Variants in OXR1 observed in about 807,000 individuals in gnomAD.
The protein encoded by OXR1 is oxidation resistance 1, also known as oxidation resistance protein 1.
OXR1 carries 41 observed loss-of-function variants against 104.6 expected under a neutral mutation model. That is an observed-to-expected ratio of 0.39 (90% confidence interval 0.31 to 0.51). The LOEUF (loss-of-function observed/expected upper bound fraction) is 0.51, where lower values mean the gene tolerates loss of function less well. Ranked by LOEUF, OXR1 falls within the 20% of genes least tolerant of loss-of-function variation. The pLI is 0.77. For missense variants in OXR1, 955 were observed against 1,031.9 expected (o/e 0.93, Z 1.02); for synonymous variants, 348 against 348.4 (o/e 1.00, Z 0.01).
chr8:106,386,567 G>C (rs1184339286), intron 2 of OXR1, among the ~76,000 whole-genome samples: 1 of 152,138 alleles, frequency 6.6e-6, no homozygotes, highest in African/African-American at 2.4e-5. Context: ...AATCAATTCT[G>C]GAAAAGCAAT....
chr8:106,469,010 GTGTTGTT>G (rs1821340906), intron 2 of OXR1, among the ~76,000 whole-genome samples: 1 of 138,956 alleles, frequency 7.2e-6, no homozygotes, highest in South Asian at 2.2e-4. Context: ...GTTTGTTTGT[GTGTTGTT>G]GTTGTTGTTG....
chr8:106,676,133 C>T (rs1033706243), intron 3 of OXR1, among the ~76,000 whole-genome samples: 6 of 151,958 alleles, frequency 3.9e-5, no homozygotes, highest in African/African-American at 7.3e-5. Context: ...GAATTGCAAC[C>T]TCTGCTTTTT....
chr8:106,306,599 A>G (rs932381706), intron 1 of OXR1, among the ~76,000 whole-genome samples: 1 of 152,190 alleles, frequency 6.6e-6, no homozygotes, highest in African/African-American at 2.4e-5. Context: ...ATACAGAGAA[A>G]ATGGTGTACT....
At chr8:106,338,626 TA>T (rs977525845) in intron 1 of OXR1, among the ~76,000 whole-genome samples, 2 of 151,854 alleles carry the variant, frequency 1.3e-5, no homozygotes, top group African/African-American at 2.4e-5. Flanking sequence ...TCCCACTTTT[TA>T]AAAAAACCAC....
chr8:106,343,294 A>G (rs186817603), intron 1 of OXR1, among the ~76,000 whole-genome samples: 160 of 152,300 alleles, frequency 1.1e-3, no homozygotes, highest in Non-Finnish European at 1.7e-3. Flanking sequence ...TAATGTCTTT[A>G]TTATATAATA....
At chr8:106,365,045 T>C (rs1455742349) in intron 2 of OXR1, among the ~76,000 whole-genome samples, 3 of 151,916 alleles carry the variant, frequency 2.0e-5, no homozygotes, top group Non-Finnish European at 4.4e-5. Flanking sequence ...TAAATAGAGA[T>C]TGTAAGGGAA....
chr8:106,470,845 A>G (rs1821453074), intron 2 of OXR1, among the ~76,000 whole-genome samples: 1 of 151,702 alleles, frequency 6.6e-6, no homozygotes, highest in African/African-American at 2.4e-5. Context: ...GTATGAAGGA[A>G]GAGGGACTGA....
chr8:106,338,023 A>AT (rs2130252466), intron 1 of OXR1, among the ~76,000 whole-genome samples: 1 of 152,342 alleles, frequency 6.6e-6, no homozygotes, highest in African/African-American at 2.4e-5. Flanking sequence ...ATTTACAAGT[A>AT]TAATTCATGA....
In OXR1 at chr8:106,746,026, T is replaced by C. The variant is rs147832347; in HGVS notation, c.2486+164T>C. Among the ~76,000 whole-genome samples, 40 of 152,330 alleles carry C rather than the reference T, an allele frequency of 2.6e-4. No homozygotes were observed. The Middle Eastern group carries it at 0.01, about 39-fold the overall frequency. ...GTATTTGCAAGAAGTAGCTCAAGTG[T>C]AGTTATTGAAACTATTGATGGAGTA... On this transcript the variant is annotated intron_variant, in intron 16 of 16. Coordinates refer to ENST00000517566, the MANE Select transcript of OXR1 (RefSeq NM_001198533.2).
rs986059514 is a variant in OXR1, at chr8:106,708,907, G to A, written c.1625-1715G>A. Among the ~76,000 whole-genome samples the A allele has an allele frequency of 2.0e-5, 3 of 148,510 alleles. No homozygotes were observed. The East Asian group carries it at 5.8e-4, about 29-fold the overall frequency. The stretch of plus-strand genomic sequence containing the variant: ...CCCTGCGGCAGTACACAAGATTTGG[G>A]TCAGTTTTTAAAATACCGAATTTTC... On this transcript the variant is annotated intron_variant, in intron 9 of 16. Coordinates refer to ENST00000517566, the MANE Select transcript of OXR1 (RefSeq NM_001198533.2).
At chr8:106,273,798 C>CA (rs1312495636) in intron 1 of OXR1, among the ~76,000 whole-genome samples, 2 of 152,000 alleles carry the variant, frequency 1.3e-5, no homozygotes, top group African/African-American at 4.8e-5. Context: ...CTTTAAAAAA[C>CA]AAACAAACAA....
chr8:106,704,387 CTTCTTCT>C (rs1830908881), intron 8 of OXR1, among the ~76,000 whole-genome samples: 1 of 80,840 alleles, frequency 1.2e-5, no homozygotes, highest in African/African-American at 4.9e-5. Flanking sequence ...TTCTTTCTTT[CTTCTTCT>C]TTTTTTTTTT....
chr8:106,372,025 G>A lies in OXR1; in HGVS notation c.23+12389G>A, dbSNP rs1816726964. 2.0e-5 allele frequency among the ~76,000 whole-genome samples: 3 copies of A among 152,354 alleles called. No homozygotes were observed. The South Asian group carries it at 6.2e-4, about 32-fold the overall frequency. On this transcript the variant is annotated intron_variant, in intron 2 of 16. Transcript: ENST00000517566. ...ACAAGGAGCTCAAAGGACTTAGACAGCAGGCAGTCACAACTGTGCTGGTTG... is the reference window on the plus strand; with the variant it reads ...ACAAGGAGCTCAAAGGACTTAGACAACAGGCAGTCACAACTGTGCTGGTTG...
intron 2 of OXR1, among the ~76,000 whole-genome samples, chr8:106,380,008 C>T (rs749740986): frequency 2.0e-5 from 3 of 152,074 alleles, no homozygotes; most frequent in Non-Finnish European, 4.4e-5. Context: ...TTGGTATATT[C>T]ACAGAGTTTT....
At chr8:106,672,821 CT>C (rs1554617051) in intron 3 of OXR1, among the ~76,000 whole-genome samples, 1 of 152,084 alleles carries the variant, frequency 6.6e-6, no homozygotes, top group Non-Finnish European at 1.5e-5. Context: ...TTCCTCCTGC[CT>C]TTATTCTCCC....
At chr8:106,743,043 A>G (rs1203734340) in intron 15 of OXR1, among the ~76,000 whole-genome samples, 1 of 152,188 alleles carries the variant, frequency 6.6e-6, no homozygotes, top group Non-Finnish European at 1.5e-5. Flanking sequence ...CAATCTATCC[A>G]TCTGACAAAG....
intron 3 of OXR1, among the ~76,000 whole-genome samples, chr8:106,543,259 T>C (rs1259253127): frequency 6.6e-6 from 1 of 152,206 alleles, no homozygotes. Flanking sequence ...ATGTCATTGT[T>C]TTTTCATCCT....
intron 1 of OXR1, among the ~76,000 whole-genome samples, chr8:106,332,697 C>A (rs1167298837): frequency 6.6e-6 from 1 of 152,182 alleles, no homozygotes; most frequent in Non-Finnish European, 1.5e-5. Context: ...TCAAAAAGCT[C>A]TGTAACCATC....
chr8:106,316,229 C>T (rs1405039782), intron 1 of OXR1, among the ~76,000 whole-genome samples: 2 of 152,138 alleles, frequency 1.3e-5, no homozygotes, highest in Non-Finnish European at 2.9e-5. Context: ...TATGAGGGTA[C>T]ACTTCAAAAA....
Sources: gnomAD v4.1 joint callset for allele counts (sites outside exome capture counted in the v4.1 genomes callset) on GRCh38, gnomAD v4.1.1 for gene constraint, MANE v1.5 for transcripts, NCBI Gene and HGNC (gene_info 2026-07-23, HGNC 2026-07-21) for gene names.